The following POLD1 variants were observed in gnomAD, a reference collection of about 807,000 sequenced individuals.
POLD1 encodes the protein DNA polymerase delta catalytic subunit.
A neutral mutation model predicts 129.7 loss-of-function variants in POLD1; 79 were observed. The observed-to-expected ratio is 0.61, with a 90% confidence interval of 0.51 to 0.73. The LOEUF (loss-of-function observed/expected upper bound fraction) is 0.73, where lower values mean the gene tolerates loss of function less well. POLD1 is among the 30% of genes least tolerant of loss of function. The pLI is 0.00. For missense variants in POLD1, 1,338 were observed against 1,595.8 expected, an observed-to-expected ratio of 0.84 and a Z score of 2.75; for synonymous variants, 714 against 683.3, an observed-to-expected ratio of 1.04 and a Z score of -0.70.
At position 50,415,440 on chromosome 19, in the gene POLD1, AC is replaced by A; in HGVS notation, c.2570del (p.Pro857LeufsTer31). 2 of 1,612,154 alleles carry A rather than the reference AC, an allele frequency of 1.2e-6. No individual in the cohort carries two copies. Among genetic ancestry groups the A allele is most frequent in the Non-Finnish European group, 1.7e-6 (2 of 1,179,608 alleles). ...ASLRRLLIDRDPEGAVAHAQD... is the reference protein window; with the variant it reads ...ASLRRLLIDRXPEGAVAHAQD... Reference sequence around the variant, plus strand: ...CTGTGCGGCCCGCTCTCCTACAGAGACCCTGAGGGCGCGGTGGCTCACGCAC... The same window carrying A: ...CTGTGCGGCCCGCTCTCCTACAGAGACCTGAGGGCGCGGTGGCTCACGCAC... On this transcript the variant is annotated frameshift_variant, in exon 21 of 27. Coordinates refer to ENST00000440232, the MANE Select transcript of POLD1 (RefSeq NM_002691.4). LOFTEE classifies it high-confidence loss of function.
In POLD1 at chr19:50,402,716, C is replaced by T. The variant is rs150116169; in HGVS notation, c.945C>T (p.Phe315=). The change falls in exon 8 of 27, where the codon TTC becomes TTT. Residue 315 remains phenylalanine, a synonymous_variant. Transcript: ENST00000440232. ...TTGCGCCCTTGCGCGTGCTCAGCTT[C>T]GATATCGAGTGCGCCGGCCGCAAAG... is the stretch of plus-strand genomic sequence containing the variant. ...QRIAPLRVLS[F]DIECAGRKGI... 171 of 1,596,482 alleles carry T rather than the reference C, an allele frequency of 1.1e-4. 1 individual carries two copies. In the African/African-American group the frequency reaches 1.2e-3, roughly 11 times the overall value.
chr19:50,395,538 C>G (rs1319434104), intron 1 of POLD1, among the ~76,000 whole-genome samples: 1 of 151,396 alleles, frequency 6.6e-6, no homozygotes, highest in African/African-American at 2.4e-5. Context: ...GAGCCGAGAT[C>G]GCGCCACCGC....
chr19:50,401,178 G>T (rs1024344053), intron 3 of POLD1, among the ~76,000 whole-genome samples: 6 of 150,418 alleles, frequency 4.0e-5, no homozygotes, highest in Admixed American at 6.6e-5. Flanking sequence ...AATCTCAGCT[G>T]TTCAGGTGGC....
At chr19:50,386,052 G>A (rs2037960434) in intron 1 of POLD1, among the ~76,000 whole-genome samples, 1 of 152,184 alleles carries the variant, frequency 6.6e-6, no homozygotes. Context: ...AGCAGTGATA[G>A]TCTTTGGGAG....
chr19:50,414,975 G>C lies in POLD1; in HGVS notation c.2549G>C (p.Arg850Pro). ...VANLVTASLR[R>P]LLIDRDPEGA... ...AACCTGGTCACTGCCTCACTGCGCC[G>C]CCTGCTCATCGACCGGTGTGTGGGG... Residue 850 changes from arginine (R) to proline (P), a missense_variant, in exon 20 of 27, where the codon CGC becomes CCC. Arg to Pro is a moderately radical substitution (Grantham distance 103, BLOSUM62 -2). Coordinates refer to ENST00000440232, the MANE Select transcript of POLD1 (RefSeq NM_002691.4). 1 of 1,586,870 alleles carries C rather than the reference G, an allele frequency of 6.3e-7. No homozygotes were observed.
At chr19:50,393,936 A>T (rs1425161749) in intron 1 of POLD1, 1 of 152,146 alleles carries the variant, frequency 6.6e-6, no homozygotes, top group Non-Finnish European at 1.5e-5. Flanking sequence ...TTTCTAACAT[A>T]TACTCCATCA....
At chr19:50,414,518 C>G (rs2039203532) in intron 19 of POLD1, among the ~76,000 whole-genome samples, 1 of 152,262 alleles carries the variant, frequency 6.6e-6, no homozygotes, top group African/African-American at 2.4e-5. Flanking sequence ...TCCTCTCTTT[C>G]ATGGGATGCT....
chr19:50,409,366 A>G lies in POLD1; in HGVS notation c.2006+131A>G, dbSNP rs1319957244. On this transcript the variant is annotated intron_variant, in intron 16 of 26. Coordinates refer to ENST00000440232, the MANE Select transcript of POLD1 (RefSeq NM_002691.4). The surrounding 1 kb of genome is among the most constrained non-coding windows in gnomAD (Gnocchi z 5.8). ...AGCTGTGCGTGAATTAGCACAAGGC[A>G]TCCCCTCCTGGCAGCTTCCTTTTGC... 2 of 1,265,308 alleles carry G rather than the reference A, an allele frequency of 1.6e-6. No individual in the cohort carries two copies. The highest frequency in any genetic ancestry group is 3.0e-5 in the African/African-American group (2 of 67,646). 78.4% of individuals were successfully genotyped at this position (1,265,308 alleles called of 1,614,324 possible).
rs758978631 is a variant in POLD1, at chr19:50,409,389, T to G, written c.2007-130T>G. 7.2e-7 allele frequency: 1 copy of G among 1,381,838 alleles called. No homozygotes were observed. Among genetic ancestry groups the G allele is most frequent in the Admixed American group, 1.9e-5 (1 of 52,830 alleles). The allele number at this position is 1,381,838 out of a possible 1,614,324, so 85.6% of individuals were successfully genotyped here. A position where few individuals can be genotyped will look rare whatever the true frequency, so the allele number is the denominator to read the frequency against. On this transcript the variant is annotated intron_variant, in intron 16 of 26. Coordinates refer to ENST00000440232, the MANE Select transcript of POLD1 (RefSeq NM_002691.4). The surrounding 1 kb of genome is among the most constrained non-coding windows in gnomAD (Gnocchi z 5.8). ...GCATCCCCTCCTGGCAGCTTCCTTT[T>G]GCCCCCTTGGCCAGAAGCTTCTGTG...
In POLD1 at chr19:50,409,415, C is replaced by T. The variant is rs1236817625; in HGVS notation, c.2007-104C>T. On this transcript the variant is annotated intron_variant, in intron 16 of 26. Transcript: ENST00000440232. The surrounding 1 kb of genome is among the most constrained non-coding windows in gnomAD (Gnocchi z 5.8). ...GCCCCCTTGGCCAGAAGCTTCTGTG[C>T]AGTGCACAGTACGCCCAACCGTACA... is the stretch of plus-strand genomic sequence containing the variant. 1 of 1,493,616 alleles carries T rather than the reference C, an allele frequency of 6.7e-7. No homozygotes were observed. Among genetic ancestry groups the T allele is most frequent in the Admixed American group, 1.8e-5 (1 of 56,864 alleles). 92.5% of individuals were successfully genotyped at this position (1,493,616 alleles called of 1,614,324 possible).
chr19:50,413,686 A>G (rs987820552), intron 18 of POLD1, 56 bp from the exon 19 acceptor site: 2 of 1,561,214 alleles, frequency 1.3e-6, no homozygotes, highest in Admixed American at 1.8e-5. Context: ...CCCCGACACC[A>G]GTAGTTGACA....
At chr19:50,402,926 A>G in intron 8 of POLD1, 127 bp from the exon 9 acceptor site, 1 of 1,343,908 alleles carries the variant, frequency 7.4e-7, no homozygotes, top group Non-Finnish European at 1.0e-6. Context: ...GCAGAGCAGG[A>G]GCCAGGGTGA....
Position 50,405,044 on chromosome 19 carries a change from C to T in POLD1, c.1243-1138C>T, listed in dbSNP as rs1031998084. Among the ~76,000 whole-genome samples, 5 of 151,900 alleles carry T rather than the reference C, an allele frequency of 3.3e-5. No homozygotes were observed. In the East Asian group the frequency reaches 7.8e-4, roughly 24 times the overall value. ...CCTCCCAAAGTGCTGGGATTACAGG[C>T]GTGAGCCACCGCGCCTGGCCTATTT... On this transcript the variant is annotated intron_variant, in intron 10 of 26. Coordinates refer to ENST00000440232, the MANE Select transcript of POLD1 (RefSeq NM_002691.4).
chr19:50,401,408 T>G (rs1180801730), intron 3 of POLD1, among the ~76,000 whole-genome samples: 2 of 127,036 alleles, frequency 1.6e-5, no homozygotes, highest in Non-Finnish European at 3.3e-5. Context: ...TTTTTTTTTT[T>G]TTTTTTTCTT....
chr19:50,393,680 G>C (rs564678446), intron 1 of POLD1, among the ~76,000 whole-genome samples: 1 of 152,088 alleles, frequency 6.6e-6, no homozygotes, highest in Non-Finnish European at 1.5e-5. Flanking sequence ...AAGAGAGAAA[G>C]TAATAATAAA....
At position 50,409,703 on chromosome 19, in the gene POLD1, G is replaced by A. The variant is rs2122391458; in HGVS notation, c.2154+37G>A. ...GGCCCCTGGAAGGCAACTGGGGGCA[G>A]GTGGGCCCCCTGTGTAGGAGACCAG... On this transcript the variant is annotated intron_variant, in intron 17 of 26. Transcript: ENST00000440232. This position sits in a 1 kb window ranked among gnomAD's most constrained non-coding sequence, Gnocchi z 5.8. The A allele has an allele frequency of 6.4e-7, 1 of 1,569,140 alleles. No homozygotes were observed. The highest frequency in any genetic ancestry group is 1.2e-5 in the South Asian group (1 of 85,554).
rs768048535 is a variant in POLD1, at chr19:50,414,989, C to T, written c.2563C>T (p.Arg855Ter). The T allele has an allele frequency of 1.3e-5, 21 of 1,572,346 alleles. No homozygotes were observed. Among genetic ancestry groups the T allele is most frequent in the South Asian group, 2.3e-5 (2 of 86,636 alleles). Residue 855 changes from arginine to a stop codon, truncating the protein, a stop_gained and splice_region_variant, in exon 20 of 27, where the codon CGA becomes TGA. Coordinates refer to ENST00000440232, the MANE Select transcript of POLD1 (RefSeq NM_002691.4). LOFTEE classifies it high-confidence loss of function. ...CTCACTGCGCCGCCTGCTCATCGAC[C>T]GGTGTGTGGGGCCTCCTCCCTCAGA... ...TASLRRLLID[R>*]DPEGAVAHAQ...
chr19:50,415,364 C>T, intron 20 of POLD1, 74 bp from the exon 21 acceptor site: 1 of 1,439,594 alleles, frequency 6.9e-7, no homozygotes, highest in Non-Finnish European at 9.6e-7. Flanking sequence ...TGGTCTCCAG[C>T]CCTGAGACCC....
chr19:50,416,291 C>G (rs994196910), intron 22 of POLD1, 105 bp from the exon 23 acceptor site: 1 of 1,231,250 alleles, frequency 8.1e-7, no homozygotes, highest in East Asian at 2.6e-5. Flanking sequence ...CATGTCACAG[C>G]CCGCAGGCAG....
Sources: allele counts gnomAD v4.1 joint callset (sites outside exome capture counted in the v4.1 genomes callset), GRCh38; gene constraint gnomAD v4.1.1; non-coding constraint Gnocchi (gnomAD v3.1); transcripts MANE v1.5; gene names NCBI Gene and HGNC (gene_info 2026-07-23, HGNC 2026-07-21).